ANAPC5: variants seen among roughly 807,000 people sequenced by gnomAD.
ANAPC5 encodes anaphase promoting complex subunit 5, also known as anaphase-promoting complex subunit 5.
Under a neutral mutation model 91.3 loss-of-function variants are expected in ANAPC5, and 60 were observed. The observed-to-expected ratio is 0.66, with a 90% CI of 0.53 to 0.81. The LOEUF is 0.81. ANAPC5 is among the 40% of genes least tolerant of loss of function. The pLI, the probability that ANAPC5 is intolerant of heterozygous loss-of-function variation, is 0.00. For missense variants in ANAPC5, 690 were observed against 931.5 expected (o/e 0.74, Z 3.37); for synonymous variants, 340 against 364.1 (o/e 0.93, Z 0.75).
At chr12:121,328,619 G>A in intron 9 of ANAPC5, 122 bp from the exon 10 acceptor site, 1 of 909,784 alleles carries the variant, frequency 1.1e-6, no homozygotes, top group Non-Finnish European at 1.7e-6. Flanking sequence ...CTATTTAAAA[G>A]GAAAGTACCT....
intron 16 of ANAPC5, 34 bp downstream of exon 16, chr12:121,309,667 A>G (rs770260822): frequency 1.3e-6 from 2 of 1,574,426 alleles, no homozygotes; most frequent in Non-Finnish European, 1.7e-6. Context: ...TTTCTGGAAT[A>G]GCATTGCCTA....
chr12:121,314,220 C>A (rs1276948560), intron 15 of ANAPC5, among the ~76,000 whole-genome samples: 1 of 152,052 alleles, frequency 6.6e-6, no homozygotes, highest in East Asian at 1.9e-4. Context: ...ACCAACATGG[C>A]AAAACCCTGT....
intron 15 of ANAPC5, among the ~76,000 whole-genome samples, chr12:121,314,833 G>C (rs1273508653): frequency 6.6e-6 from 1 of 152,126 alleles, no homozygotes; most frequent in Admixed American, 6.5e-5. Flanking sequence ...GTTTCACCAT[G>C]TTGTCCAGGC....
chr12:121,313,616 C>T (rs1455169963), intron 15 of ANAPC5, among the ~76,000 whole-genome samples: 1 of 152,050 alleles, frequency 6.6e-6, no homozygotes, highest in East Asian at 1.9e-4. Flanking sequence ...ACAAGAATAC[C>T]ATGAACAATT....
At chr12:121,350,172 C>T (rs1286290619) in intron 1 of ANAPC5, among the ~76,000 whole-genome samples, 5 of 152,150 alleles carry the variant, frequency 3.3e-5, no homozygotes, top group African/African-American at 1.2e-4. Flanking sequence ...CCCCTCTTCC[C>T]ATGCCCCTCA....
At chr12:121,346,056 G>C (rs782104727) in intron 3 of ANAPC5, 25 bp from the exon 4 acceptor site, 1 of 1,577,324 alleles carries the variant, frequency 6.3e-7, no homozygotes, top group African/African-American at 1.4e-5. Context: ...GAGAGACAAG[G>C]GGAAAGCATT....
Position 121,318,333 on chromosome 12 carries a change from C to T in ANAPC5, c.1837G>A (p.Glu613Lys), listed in dbSNP as rs1239093491. ...MLLQALALSK[E>K]YRLQYLASET... ...GAGGCCAAGTACTGTAACCGGTACT[C>T]CTTGGAGAGGGCCAGAGCCTGCAGG... The change falls in exon 15 of 17, where the codon GAG becomes AAG. Residue 613 changes from glutamate (E) to lysine (K), a missense_variant. This residue lies in a region of ANAPC5 where 317 missense variants were observed against 438.7 expected (regional missense o/e 0.72). Transcript: ENST00000261819. The T allele has an allele frequency of 6.2e-7, 1 of 1,606,122 alleles. No homozygotes were observed. The highest frequency in any genetic ancestry group is 1.7e-5 in the Admixed American group (1 of 57,918).
rs534883758 is a variant in ANAPC5 at position 121,338,739 on chromosome 12, G to GTATATTATAAAGTA, written c.658-1348_658-1347insTACTTTATAATATA. 5.4e-3 allele frequency among the ~76,000 whole-genome samples: 827 copies of GTATATTATAAAGTA among 152,132 alleles called. 8 individuals carry two copies. Among genetic ancestry groups the GTATATTATAAAGTA allele is most frequent in the African/African-American group, 0.019 (775 of 41,508 alleles). On this transcript the variant is annotated intron_variant, in intron 5 of 16. Transcript: ENST00000261819. The stretch of plus-strand genomic sequence containing the variant: ...GAAATAACGCTATTAATACTTTAGT[G>GTATATTATAAAGTA]TATATTATCCTAGTCTTTGTTCTGT...
At position 121,342,101 on chromosome 12, in the gene ANAPC5, G is replaced by A; in HGVS notation, c.591-32C>T. 1.4e-6 allele frequency: 2 copies of A among 1,462,522 alleles called. No homozygotes were observed. Among genetic ancestry groups the A allele is most frequent in the Non-Finnish European group, 1.9e-6 (2 of 1,066,278 alleles). 90.6% of individuals were successfully genotyped at this position (1,462,522 alleles called of 1,614,324 possible). On this transcript the variant is annotated intron_variant, in intron 4 of 16. Transcript: ENST00000261819. This position sits in a 1 kb window ranked among gnomAD's most constrained non-coding sequence, Gnocchi z 4.1. ...AAAATAAAAAAACAAAAATAGTAAA[G>A]AATTACACAAAAGTAAAAATGATAA... is the stretch of plus-strand genomic sequence containing the variant.
chr12:121,354,002 TTC>T (rs1903997319), upstream of ANAPC5, among the ~76,000 whole-genome samples: 1 of 147,194 alleles, frequency 6.8e-6, no homozygotes, highest in Non-Finnish European at 1.5e-5. Context: ...TTTTTTTTTT[TTC>T]CCGATACGGA....
In ANAPC5 at chr12:121,335,701, T is replaced by C; in HGVS notation, c.782A>G (p.Asn261Ser). The change falls in exon 7 of 17, where the codon AAC (asparagine) becomes AGC (serine). Residue 261 changes from asparagine to serine, a missense_variant. Transcript: ENST00000261819. ...ACTGAAAACATCTTGGACACGGAGG[T>C]TGTTTAAGTAGCTGAGATAATGCTA... ...AEAHYLSYLN[N>S]LRVQDVFSST... 1 of 1,605,870 alleles carries C rather than the reference T, an allele frequency of 6.2e-7. No homozygotes were observed. The highest frequency in any genetic ancestry group is 8.5e-7 in the Non-Finnish European group (1 of 1,173,366).
chr12:121,321,931 T>G (rs868411063), intron 11 of ANAPC5, among the ~76,000 whole-genome samples: 1 of 151,666 alleles, frequency 6.6e-6, no homozygotes, highest in South Asian at 2.1e-4. Context: ...AGTGGCATGA[T>G]CTCAGCTCAC....
chr12:121,352,624 A>G (rs566853679), upstream of ANAPC5, among the ~76,000 whole-genome samples: 4 of 143,044 alleles, frequency 2.8e-5, 1 homozygote, highest in African/African-American at 9.9e-5. Flanking sequence ...CTACGTGGAC[A>G]GGGACCGGAT....
chr12:121,327,230 T>C lies in ANAPC5; in HGVS notation c.1306A>G (p.Thr436Ala), dbSNP rs782339225. ...TAIWRLYGRS[T>A]MALQQAQMLL... Reference sequence around the variant, plus strand: ...ATCTGGGCCTGTTGCAGTGCCATGGTGCTGGGTGGGGAGAGGGAACAGGAT... The same window carrying C: ...ATCTGGGCCTGTTGCAGTGCCATGGCGCTGGGTGGGGAGAGGGAACAGGAT... The change falls in exon 11 of 17, where the codon ACC (threonine) becomes GCC (alanine). Residue 436 changes from threonine to alanine, a missense_variant and splice_region_variant. Around this residue, in one of 5 missense-constraint regions of ANAPC5, gnomAD observed 317 missense variants for 438.7 expected, o/e 0.72. Transcript: ENST00000261819. 16 of 1,612,486 alleles carry C rather than the reference T, an allele frequency of 9.9e-6. No individual in the cohort carries two copies. The highest frequency in any genetic ancestry group is 1.4e-5 in the Non-Finnish European group (16 of 1,179,792).
chr12:121,334,555 T>C (rs1163183210), intron 7 of ANAPC5: 1 of 152,206 alleles, frequency 6.6e-6, no homozygotes, highest in Non-Finnish European at 1.5e-5. Context: ...ATTTCCAAGA[T>C]AGCCTCCATG....
At chr12:121,329,581 T>C (rs1258214200) in intron 9 of ANAPC5, among the ~76,000 whole-genome samples, 1 of 152,086 alleles carries the variant, frequency 6.6e-6, no homozygotes, top group East Asian at 1.9e-4. Flanking sequence ...AATGGGTGTT[T>C]CTGAGAGAGA....
chr12:121,310,642 A>G (rs1269165481), intron 15 of ANAPC5, among the ~76,000 whole-genome samples: 1 of 152,094 alleles, frequency 6.6e-6, no homozygotes, highest in South Asian at 2.1e-4. Flanking sequence ...GATATGACAT[A>G]TAGAAAACAA....
Position 121,319,745 on chromosome 12 carries a change from G to C in ANAPC5, c.1589C>G (p.Ser530Ter). 3 of 1,612,500 alleles carry C rather than the reference G, an allele frequency of 1.9e-6. No homozygotes were observed. The highest frequency in any genetic ancestry group is 1.7e-6 in the Non-Finnish European group (2 of 1,179,514). ...MNDGKYHLAD[S>*]LVTGITALNS... ...GAGAGCTGTGATTCCTGTAACAAGT[G>C]AATCAGCCAAATGATATTTGCCATC... The change falls in exon 13 of 17, where the codon TCA becomes TGA. Residue 530 changes from serine (S) to a stop codon, truncating the protein, a stop_gained. Transcript: ENST00000261819. LOFTEE classifies it high-confidence loss of function.
intron 11 of ANAPC5, among the ~76,000 whole-genome samples, chr12:121,322,797 C>A (rs920475713): frequency 1.3e-5 from 2 of 152,090 alleles, no homozygotes; most frequent in Admixed American, 1.3e-4. Context: ...CCAAGGAGGG[C>A]AGATCACTTG....
Sources: allele counts gnomAD v4.1 joint callset (sites outside exome capture counted in the v4.1 genomes callset), GRCh38; gene constraint gnomAD v4.1.1; regional missense constraint gnomAD v4.1.1; non-coding constraint Gnocchi (gnomAD v3.1); transcripts MANE v1.5; gene names NCBI Gene and HGNC (gene_info 2026-07-23, HGNC 2026-07-21).